SLC25A21: variants seen among roughly 807,000 people sequenced by gnomAD.
SLC25A21 encodes the protein solute carrier family 25 member 21, also known as mitochondrial 2-oxodicarboxylate carrier.
Under a neutral mutation model 43.8 loss-of-function variants are expected in SLC25A21, and 47 were observed. The ratio of observed to expected loss-of-function variants is 1.07; its 90% CI spans 0.85 to 1.37. The LOEUF is 1.37. Ranked by LOEUF, SLC25A21 falls within the 40% of genes most tolerant of loss-of-function variation. The pLI is 0.00. For missense variants in SLC25A21, 352 were observed against 350.2 expected (o/e 1.00, Z -0.04); for synonymous variants, 131 against 121.3 (o/e 1.08, Z -0.52).
At position 36,686,317 on chromosome 14, in the gene SLC25A21, T is replaced by C. The variant is rs545743240; in HGVS notation, c.604-1392A>G. ...GAAAAACAATGCAGTGATTGCAGTATGAGTGAGGTGTGTTTAAATAATTCC... is the reference window on the plus strand; with the variant it reads ...GAAAAACAATGCAGTGATTGCAGTACGAGTGAGGTGTGTTTAAATAATTCC... On this transcript the variant is annotated intron_variant, in intron 7 of 9. Coordinates refer to ENST00000331299, the MANE Select transcript of SLC25A21 (RefSeq NM_030631.4). Among the ~76,000 whole-genome samples, 6 of 152,332 alleles carry C rather than the reference T, an allele frequency of 3.9e-5. No individual in the cohort carries two copies. The South Asian group carries it at 1.2e-3, about 32-fold the overall frequency.
At chr14:37,150,507 C>G (rs1236477647) in intron 1 of SLC25A21, among the ~76,000 whole-genome samples, 2 of 152,138 alleles carry the variant, frequency 1.3e-5, no homozygotes, top group Non-Finnish European at 2.9e-5. Context: ...AAAGTACAGT[C>G]TGTATTTTTC....
At chr14:36,805,476 C>A (rs1888005162) in intron 3 of SLC25A21, among the ~76,000 whole-genome samples, 1 of 152,276 alleles carries the variant, frequency 6.6e-6, no homozygotes, top group South Asian at 2.1e-4. Context: ...GAGCACTCTG[C>A]AAATTCATCA....
At chr14:37,141,393 G>A (rs981169727) in intron 1 of SLC25A21, among the ~76,000 whole-genome samples, 1 of 152,092 alleles carries the variant, frequency 6.6e-6, no homozygotes, top group African/African-American at 2.4e-5. Context: ...CAAAAAATCT[G>A]TGGTCAAACA....
chr14:36,920,530 G>T lies in SLC25A21; in HGVS notation c.71-45526C>A, dbSNP rs566213230. 3.3e-5 allele frequency among the ~76,000 whole-genome samples: 5 copies of T among 152,036 alleles called. No homozygotes were observed. In the South Asian group the frequency reaches 1.0e-3, roughly 32 times the overall value. ...GTGCTGTGTATCTTAAAAATATTGG[G>T]CCATTGCTAAGCAGAGACTTCCCAC... On this transcript the variant is annotated intron_variant, in intron 1 of 9. Transcript: ENST00000331299.
At chr14:36,797,658 C>A (rs747669502) in intron 3 of SLC25A21, among the ~76,000 whole-genome samples, 2 of 152,046 alleles carry the variant, frequency 1.3e-5, no homozygotes, top group Admixed American at 6.6e-5. Flanking sequence ...ACTTTAAAAC[C>A]CTTGCTGTGA....
chr14:36,773,254 G>C (rs1056035084), intron 3 of SLC25A21, among the ~76,000 whole-genome samples: 1 of 152,076 alleles, frequency 6.6e-6, no homozygotes, highest in Middle Eastern at 3.4e-3. Flanking sequence ...TGTCTTCTCA[G>C]CTGTGAGTGA....
chr14:36,924,488 G>T (rs1366866093), intron 1 of SLC25A21, among the ~76,000 whole-genome samples: 1 of 151,784 alleles, frequency 6.6e-6, no homozygotes, highest in African/African-American at 2.4e-5. Context: ...AGAACATTTG[G>T]ACACAGGGTG....
At chr14:36,934,793 T>C (rs1892379771) in intron 1 of SLC25A21, among the ~76,000 whole-genome samples, 1 of 152,116 alleles carries the variant, frequency 6.6e-6, no homozygotes, top group South Asian at 2.1e-4. Flanking sequence ...GTGTCTTTTA[T>C]TCTCAAAACT....
At chr14:37,154,997 A>C (rs1963823550) in intron 1 of SLC25A21, among the ~76,000 whole-genome samples, 1 of 152,174 alleles carries the variant, frequency 6.6e-6, no homozygotes, top group Non-Finnish European at 1.5e-5. Context: ...TCATTGAAAG[A>C]AATAAAAAAT....
chr14:36,882,329 G>A (rs1325743829), intron 1 of SLC25A21, among the ~76,000 whole-genome samples: 1 of 152,194 alleles, frequency 6.6e-6, no homozygotes, highest in Non-Finnish European at 1.5e-5. Flanking sequence ...GTTGCAGTTA[G>A]TTGAGACCAT....
At chr14:37,037,353 C>T (rs1022616140) in intron 1 of SLC25A21, among the ~76,000 whole-genome samples, 5 of 152,122 alleles carry the variant, frequency 3.3e-5, no homozygotes, top group African/African-American at 7.2e-5. Flanking sequence ...GGAAGCATCA[C>T]CATGATTCTT....
chr14:36,981,094 G>T (rs145512216), intron 1 of SLC25A21, among the ~76,000 whole-genome samples: 10 of 149,994 alleles, frequency 6.7e-5, no homozygotes, highest in Non-Finnish European at 1.2e-4. Context: ...AAATGCTCAT[G>T]ATCACTGGCC....
chr14:36,849,919 T>C (rs1019829635), intron 2 of SLC25A21, among the ~76,000 whole-genome samples: 3 of 152,204 alleles, frequency 2.0e-5, no homozygotes, highest in Non-Finnish European at 4.4e-5. Context: ...TTAATATGCC[T>C]ATTCAAATCT....
In SLC25A21 at chr14:37,172,361, C is replaced by A. The variant is rs533287855; in HGVS notation, c.-11G>T. The stretch of plus-strand genomic sequence containing the variant: ...AGGCTTGGCGGACATCTTCGCCAGG[C>A]GGGAGGACAAGGGAGTGGGCTGAGA... On this transcript the variant is annotated 5_prime_UTR_variant, in exon 1 of 10. Transcript: ENST00000331299. 6 of 1,592,536 alleles carry A rather than the reference C, an allele frequency of 3.8e-6. No homozygotes were observed. The highest frequency in any genetic ancestry group is 4.3e-6 in the Non-Finnish European group (5 of 1,169,486).
chr14:36,991,011 A>G (rs1157074991), intron 1 of SLC25A21, among the ~76,000 whole-genome samples: 2 of 152,178 alleles, frequency 1.3e-5, no homozygotes, highest in South Asian at 2.1e-4. Context: ...AAATCATTCT[A>G]TTAAACAGCT....
In SLC25A21 at chr14:36,869,788, A is replaced by C. The variant is rs147712988; in HGVS notation, c.119+5168T>G. Among the ~76,000 whole-genome samples, 47 of 152,314 alleles carry C rather than the reference A, an allele frequency of 3.1e-4. 1 individual carries two copies. In the East Asian group the frequency reaches 8.7e-3, roughly 28 times the overall value. On this transcript the variant is annotated intron_variant, in intron 2 of 9. Coordinates refer to ENST00000331299, the MANE Select transcript of SLC25A21 (RefSeq NM_030631.4). ...CTCCCACACACACAATCTTGATTGA[A>C]AGATTCTTCATTGGAGAAATAGTAT... is the stretch of plus-strand genomic sequence containing the variant.
In SLC25A21 at chr14:37,121,978, G is replaced by A. The variant is rs1212899470; in HGVS notation, c.70+50303C>T. 3.4e-4 allele frequency among the ~76,000 whole-genome samples: 4 copies of A among 11,902 alleles called. No homozygotes were observed. The Non-Finnish European group carries it at 0.013, about 37-fold the overall frequency. 7.8% of individuals were successfully genotyped at this position (11,902 alleles called of 152,430 possible). ...AGACAGCAATAAACCCATCTCCCCT[G>A]ATGATAGTCTCTCTCTATCCTTTTA... On this transcript the variant is annotated intron_variant, in intron 1 of 9. Coordinates refer to ENST00000331299, the MANE Select transcript of SLC25A21 (RefSeq NM_030631.4).
At chr14:36,737,085 G>T (rs919363094) in intron 3 of SLC25A21, among the ~76,000 whole-genome samples, 3 of 152,136 alleles carry the variant, frequency 2.0e-5, no homozygotes, top group South Asian at 2.1e-4. Context: ...GGCCCTCAAG[G>T]CTGATCTGTT....
chr14:36,706,263 C>T (rs187699263), intron 7 of SLC25A21, among the ~76,000 whole-genome samples: 32 of 152,314 alleles, frequency 2.1e-4, no homozygotes, highest in African/African-American at 7.5e-4. Flanking sequence ...TTTATGCCAC[C>T]TTAACATTCA....
Sources: allele counts gnomAD v4.1 joint callset (sites outside exome capture counted in the v4.1 genomes callset), GRCh38; gene constraint gnomAD v4.1.1; transcripts MANE v1.5; gene names NCBI Gene and HGNC (gene_info 2026-07-23, HGNC 2026-07-21).